Variants in NELL1 observed in about 807,000 individuals in gnomAD.
NELL1 encodes neural EGFL like 1, also known as protein kinase C-binding protein NELL1.
In NELL1, 76 loss-of-function variants were observed where a neutral mutation model predicts 107.4. The ratio of observed to expected loss-of-function variants is 0.71; its 90% confidence interval spans 0.59 to 0.86. The LOEUF (loss-of-function observed/expected upper bound fraction) is 0.86, where lower values mean the gene tolerates loss of function less well. Ranked by LOEUF, NELL1 falls within the 40% of genes least tolerant of loss-of-function variation. The probability of loss-of-function intolerance (pLI) is 0.00; values close to 1 mark genes in which losing one functional copy is unlikely to be tolerated. For synonymous variants in NELL1, 353 were observed against 341.2 expected (o/e 1.03, Z -0.38); for missense variants, 1,024 against 1,005.5 (o/e 1.02, Z -0.25).
At chr11:21,337,704 C>G (rs1441874018) in intron 14 of NELL1, among the ~76,000 whole-genome samples, 1 of 151,796 alleles carries the variant, frequency 6.6e-6, no homozygotes, top group African/African-American at 2.4e-5. Context: ...CCTGCTTTTC[C>G]CTTTCCCGCT....
intron 15 of NELL1, among the ~76,000 whole-genome samples, chr11:21,513,367 T>C (rs1855484847): frequency 6.6e-6 from 1 of 152,200 alleles, no homozygotes; most frequent in Admixed American, 6.5e-5. Flanking sequence ...AAGTCATTCC[T>C]CAGTGAATGT....
chr11:21,265,119 T>C (rs1450929736), intron 14 of NELL1, among the ~76,000 whole-genome samples: 5 of 152,012 alleles, frequency 3.3e-5, no homozygotes, highest in Non-Finnish European at 7.4e-5. Context: ...AGTCTTCACC[T>C]GTCATCTTTT....
At chr11:21,564,959 G>C (rs183872997) in intron 17 of NELL1, among the ~76,000 whole-genome samples, 1 of 151,870 alleles carries the variant, frequency 6.6e-6, no homozygotes, top group African/African-American at 2.4e-5. Context: ...GAAAGAATCT[G>C]ATCCACAAGG....
intron 18 of NELL1, among the ~76,000 whole-genome samples, chr11:21,571,630 G>GA (rs1305500103): frequency 1.3e-5 from 2 of 151,700 alleles, no homozygotes; most frequent in African/African-American, 4.8e-5. Flanking sequence ...GTTTAAAAAG[G>GA]AAAAAATGAA....
intron 14 of NELL1, among the ~76,000 whole-genome samples, chr11:21,247,213 A>G (rs991958773): frequency 6.6e-5 from 10 of 152,242 alleles, no homozygotes; most frequent in East Asian, 1.9e-4. Flanking sequence ...CTGTATATAC[A>G]CTGTACACTT....
intron 2 of NELL1, among the ~76,000 whole-genome samples, chr11:20,733,226 A>G (rs1480683155): frequency 6.6e-6 from 1 of 152,090 alleles, no homozygotes; most frequent in Non-Finnish European, 1.5e-5. Flanking sequence ...TGTTGCTCTG[A>G]CAGAAGAGCA....
intron 15 of NELL1, among the ~76,000 whole-genome samples, chr11:21,394,277 C>G (rs1418803741): frequency 6.6e-6 from 1 of 151,504 alleles, no homozygotes; most frequent in Non-Finnish European, 1.5e-5. Flanking sequence ...AGGATTCAAA[C>G]CCAGGGAGCC....
At chr11:20,700,350 G>A (rs551668373) in intron 2 of NELL1, among the ~76,000 whole-genome samples, 45 of 151,972 alleles carry the variant, frequency 3.0e-4, no homozygotes, top group African/African-American at 9.7e-4. Flanking sequence ...ATGGTGGCAC[G>A]TGCCTGTAGT....
intron 12 of NELL1, among the ~76,000 whole-genome samples, chr11:20,993,102 A>G (rs1212313334): frequency 6.6e-6 from 1 of 152,068 alleles, no homozygotes; most frequent in African/African-American, 2.4e-5. Context: ...TGCCATCCTT[A>G]CTTTGTATGC....
At chr11:20,674,375 C>G in intron 1 of NELL1, 1 of 788,662 alleles carries the variant, frequency 1.3e-6, no homozygotes, top group Non-Finnish European at 2.1e-6. Context: ...CACCTATGTG[C>G]CAGATGGAGC....
intron 5 of NELL1, among the ~76,000 whole-genome samples, chr11:20,913,359 A>G (rs2134151242): frequency 6.6e-6 from 1 of 152,274 alleles, no homozygotes; most frequent in East Asian, 1.9e-4. Flanking sequence ...AAAAAGAATT[A>G]GCATTTGTTT....
chr11:20,996,870 T>A (rs2134266445), intron 12 of NELL1, among the ~76,000 whole-genome samples: 1 of 152,270 alleles, frequency 6.6e-6, no homozygotes, highest in Admixed American at 6.5e-5. Context: ...CCTTAACACC[T>A]TTGTTCTCCT....
chr11:21,476,906 G>A (rs1420359436), intron 15 of NELL1, among the ~76,000 whole-genome samples: 3 of 152,114 alleles, frequency 2.0e-5, no homozygotes, highest in Non-Finnish European at 2.9e-5. Context: ...GGAACACTTG[G>A]TGCAGCTCTA....
intron 3 of NELL1, among the ~76,000 whole-genome samples, chr11:20,794,396 A>G (rs369561555): frequency 2.0e-5 from 3 of 152,226 alleles, no homozygotes; most frequent in Admixed American, 1.3e-4. Context: ...CACATTTTAA[A>G]TGAAAAAAGG....
chr11:21,009,816 G>A (rs1407054893), intron 12 of NELL1, among the ~76,000 whole-genome samples: 1 of 152,002 alleles, frequency 6.6e-6, no homozygotes, highest in East Asian at 1.9e-4. Context: ...CTTCCTTAAC[G>A]AGCGTGTGCT....
At chr11:21,334,817 T>C (rs1177292647) in intron 14 of NELL1, among the ~76,000 whole-genome samples, 3 of 151,970 alleles carry the variant, frequency 2.0e-5, no homozygotes, top group Non-Finnish European at 4.4e-5. Context: ...ATATATTGTA[T>C]GTCAATATGC....
Position 20,832,986 on chromosome 11 carries a change from G to A in NELL1, c.336-14597G>A, listed in dbSNP as rs145276011. ...TGGCTGGCCTCATATCCCACTGAAC[G>A]CTCTGCTAATGATGTCAGCCTTCCC... is the stretch of plus-strand genomic sequence containing the variant. On this transcript the variant is annotated intron_variant, in intron 3 of 19. Transcript: ENST00000357134. 5.2e-3 allele frequency among the ~76,000 whole-genome samples: 786 copies of A among 152,182 alleles called. 8 individuals are homozygous for A. The highest frequency in any genetic ancestry group is 0.018 in the African/African-American group (749 of 41,530).
intron 14 of NELL1, among the ~76,000 whole-genome samples, chr11:21,271,450 G>A (rs950665698): frequency 2.6e-5 from 4 of 152,086 alleles, no homozygotes; most frequent in African/African-American, 9.7e-5. Flanking sequence ...ATCTGAATAG[G>A]CCTATATCTA....
At chr11:21,537,174 G>A (rs1474915317) in intron 16 of NELL1, among the ~76,000 whole-genome samples, 2 of 152,112 alleles carry the variant, frequency 1.3e-5, no homozygotes, top group African/African-American at 4.8e-5. Context: ...TGTGGTAGTT[G>A]GGAGTACTCT....
Sources: allele counts gnomAD v4.1 joint callset (sites outside exome capture counted in the v4.1 genomes callset), GRCh38; gene constraint gnomAD v4.1.1; transcripts MANE v1.5; gene names NCBI Gene and HGNC (gene_info 2026-07-23, HGNC 2026-07-21).